SETD1B: variants seen among roughly 807,000 people sequenced by gnomAD.
The protein encoded by SETD1B is histone-lysine N-methyltransferase SETD1B.
A neutral mutation model predicts 148.0 loss-of-function variants in SETD1B; 7 were observed. That is an observed-to-expected ratio of 0.05 (90% CI 0.03 to 0.09). SETD1B has a LOEUF of 0.09. Ranked by LOEUF, SETD1B falls within the 10% of genes least tolerant of loss-of-function variation. The pLI, the probability that SETD1B is intolerant of heterozygous loss-of-function variation, is 1.00. For missense variants in SETD1B, 2,155 were observed against 2,729.9 expected (o/e 0.79, Z 4.69); for synonymous variants, 1,361 against 1,186.5 (o/e 1.15, Z -3.02).
chr12:121,814,085 C>T (rs1212253406), intron 6 of SETD1B, 21 bp from the exon 7 acceptor site: 1 of 1,538,948 alleles, frequency 6.5e-7, no homozygotes, highest in Non-Finnish European at 8.8e-7. Context: ...ACCTCACTGT[C>T]TCTCCCTGCT....
chr12:121,816,662 C>T lies in SETD1B; in HGVS notation c.2716-371C>T, dbSNP rs1198011660. ...AGCAGTGAAATAAAGCCAGTAGGTC[C>T]TGTTTTTAATGCATGGGAAGAGAAG... On this transcript the variant is annotated intron_variant, in intron 7 of 16. Transcript: ENST00000604567. 5.9e-5 allele frequency among the ~76,000 whole-genome samples: 9 copies of T among 152,208 alleles called. No homozygotes were observed. In the East Asian group the frequency reaches 1.3e-3, roughly 23 times the overall value.
At chr12:121,827,417 C>T in intron 13 of SETD1B, 102 bp from the exon 14 acceptor site, 3 of 1,395,762 alleles carry the variant, frequency 2.1e-6, no homozygotes, top group Non-Finnish European at 2.8e-6. Flanking sequence ...AAGCCCAGAG[C>T]AAGGAGCCCA....
At chr12:121,816,986 T>C in intron 7 of SETD1B, 47 bp from the exon 8 acceptor site, 1 of 1,454,940 alleles carries the variant, frequency 6.9e-7, no homozygotes. Context: ...CCTGCAAGGG[T>C]TGGTGGTGCC....
In SETD1B at chr12:121,810,683, T is replaced by C. The variant is rs1457759533; in HGVS notation, c.1738T>C (p.Ser580Pro). The C allele has an allele frequency of 1.2e-5, 19 of 1,550,516 alleles. No individual in the cohort carries two copies. The highest frequency in any genetic ancestry group is 1.6e-5 in the Non-Finnish European group (18 of 1,146,888). Residue 580 changes from serine to proline, a missense_variant, in exon 6 of 17, where the codon TCC becomes CCC. Physicochemically the swap from Ser to Pro is moderately conservative, Grantham distance 74. This residue lies in a region of SETD1B where 295 missense variants were observed against 303.8 expected (regional missense o/e 0.97). Transcript: ENST00000604567. This position sits in a 1 kb window ranked among gnomAD's most constrained non-coding sequence, Gnocchi z 7.6. ...EDISPTPLPD[S>P]DEDEELDLGL... ...TATCAGCCCAACACCCCTCCCAGAC[T>C]CCGACGAGGACGAGGAGCTCGACCT...
At chr12:121,818,140 G>C (rs976149990) in intron 10 of SETD1B, among the ~76,000 whole-genome samples, 1 of 152,300 alleles carries the variant, frequency 6.6e-6, no homozygotes, top group East Asian at 1.9e-4. Context: ...TGGGGAGCCC[G>C]GTGTTCAGGG....
At chr12:121,791,422 T>C in the SETD1B span, among the ~76,000 whole-genome samples, 1 of 152,018 alleles carries the variant, frequency 6.6e-6, no homozygotes. Context: ...GGCCCAGACA[T>C]CCCCAATGAT....
Position 121,817,608 on chromosome 12 carries a change from G to A in SETD1B, c.3216G>A (p.Glu1072=). Residue 1072 remains glutamate (E), a synonymous_variant, in exon 9 of 17, where the codon GAG becomes GAA. Coordinates refer to ENST00000604567, the MANE Select transcript of SETD1B (RefSeq NM_001353345.2). This position sits in a 1 kb window ranked among gnomAD's most constrained non-coding sequence, Gnocchi z 8.1. The part of the protein sequence containing the change: ...SSASDKEEEQ[E]STEEEEEAEE... ...CCTCCGACAAGGAGGAGGAACAGGA[G>A]AGCACCGAGGAGGAAGAGGAGGCGG... 1 of 1,551,570 alleles carries A rather than the reference G, an allele frequency of 6.4e-7. No individual in the cohort carries two copies. Among genetic ancestry groups the A allele is most frequent in the South Asian group, 1.2e-5 (1 of 84,054 alleles).
chr12:121,822,306 C>G (rs1195724211), intron 11 of SETD1B, among the ~76,000 whole-genome samples, 184 bp from the exon 12 acceptor site: 1 of 152,150 alleles, frequency 6.6e-6, no homozygotes, highest in Non-Finnish European at 1.5e-5. Context: ...ATTGATAAAG[C>G]ACATACTGTG....
Position 121,817,571 on chromosome 12 carries a change from C to G in SETD1B, c.3179C>G (p.Pro1060Arg). 1 of 1,551,424 alleles carries G rather than the reference C, an allele frequency of 6.4e-7. No individual in the cohort carries two copies. The highest frequency in any genetic ancestry group is 8.7e-7 in the Non-Finnish European group (1 of 1,146,778). ...TCCTCGGGGTCCTCAACCACCTCACCCTCGTCCTCGGCCTCCGACAAGGAG... is the reference window on the plus strand; with the variant it reads ...TCCTCGGGGTCCTCAACCACCTCACGCTCGTCCTCGGCCTCCGACAAGGAG... ...SSSSGSSTTS[P>R]SSSASDKEEE... Residue 1060 changes from proline to arginine, a missense_variant, in exon 9 of 17, where the codon CCC (proline) becomes CGC (arginine). Transcript: ENST00000604567. This position sits in a 1 kb window ranked among gnomAD's most constrained non-coding sequence, Gnocchi z 8.1.
rs1592980695 is a variant in SETD1B, at chr12:121,814,338, C to T, written c.2123C>T (p.Pro708Leu). The change falls in exon 7 of 17, where the codon CCG (proline) becomes CTG (leucine). Residue 708 changes from proline to leucine, a missense_variant. Transcript: ENST00000604567. ...PPQPGFPMPPPLPPPPPPPPP... is the reference protein window; with the variant it reads ...PPQPGFPMPPLLPPPPPPPPP... ...CAGCCTGGCTTCCCCATGCCCCCAC[C>T]GCTGCCCCCACCGCCGCCCCCACCC... 1.2e-6 allele frequency: 1 copy of T among 831,730 alleles called. No individual in the cohort carries two copies. Among genetic ancestry groups the T allele is most frequent in the Middle Eastern group, 3.6e-4 (1 of 2,770 alleles). The allele number at this position is 831,730 out of a possible 1,614,324, so 51.5% of individuals were successfully genotyped here.
chr12:121,793,313 A>AC, the SETD1B span: 1 of 1,457,296 alleles, frequency 6.9e-7, no homozygotes, highest in South Asian at 1.2e-5. Flanking sequence ...TCCACTGTCC[A>AC]CCCCCCTCAC....
chr12:121,828,286 G>A (rs1318120558), intron 16 of SETD1B, among the ~76,000 whole-genome samples: 1 of 152,274 alleles, frequency 6.6e-6, no homozygotes, highest in Non-Finnish European at 1.5e-5. Context: ...AATGGGCATA[G>A]TGAGACTTCT....
At position 121,819,424 on chromosome 12, in the gene SETD1B, ACCT is replaced by A. The variant is rs747431623; in HGVS notation, c.3442_3444del (p.Ser1148del). 82 of 1,551,672 alleles carry A rather than the reference ACCT, an allele frequency of 5.3e-5. No individual in the cohort carries two copies. In the African/African-American group the frequency reaches 1.0e-3, roughly 19 times the overall value. ...TCCAGAGGAGACAGTGAGCATTGTA[ACCT>A]CCAAGGCCGAAGCCACGTCGTCCAG... is the stretch of plus-strand genomic sequence containing the variant. On this transcript the variant is annotated inframe_deletion, in exon 11 of 17. Transcript: ENST00000604567.
intron 16 of SETD1B, 135 bp from the exon 17 acceptor site, chr12:121,829,931 C>A: frequency 1.4e-6 from 1 of 713,564 alleles, no homozygotes; most frequent in Non-Finnish European, 2.2e-6. Context: ...AGCCAAGGTC[C>A]AGAGCAGAGC....
chr12:121,811,516 G>C (rs1440758265), intron 6 of SETD1B, among the ~76,000 whole-genome samples: 1 of 152,204 alleles, frequency 6.6e-6, no homozygotes, highest in African/African-American at 2.4e-5. Context: ...ATGGGGTCTC[G>C]TTGCCTAAAC....
rs571737223 is a variant in SETD1B at position 121,804,770 on chromosome 12, C to G, written c.33C>G (p.His11Gln). ...ACAGTCACCCCCCCCACCACCACCA[C>G]CAGCAGCCCCCGCCGCAGCCCGGCC... is the stretch of plus-strand genomic sequence containing the variant. MENSHPPHHH[H>Q]QQPPPQPGPS... The change falls in exon 2 of 17, where the codon CAC becomes CAG. Residue 11 changes from histidine to glutamine, a missense_variant. Physicochemically the swap from His to Gln is conservative, Grantham distance 24. Coordinates refer to ENST00000604567, the MANE Select transcript of SETD1B (RefSeq NM_001353345.2). The surrounding 1 kb of genome is among the most constrained non-coding windows in gnomAD (Gnocchi z 4.6). 1.2e-4 allele frequency: 184 copies of G among 1,549,638 alleles called. 2 individuals carry two copies. In the East Asian group the frequency reaches 4.2e-3, roughly 36 times the overall value.
chr12:121,806,184 AGGACCCCCCCTCACTCTTCCTTG>A, intron 4 of SETD1B, 79 bp downstream of exon 4: 2 of 1,465,520 alleles, frequency 1.4e-6, no homozygotes, highest in Admixed American at 4.2e-5. Flanking sequence ...CAGCGTGGGG[AGGACCCCCCCTCACTCTTCCTTG>A]GGATCCCCCC....
chr12:121,793,162 G>A, the SETD1B span: 2 of 1,550,262 alleles, frequency 1.3e-6, no homozygotes, highest in African/African-American at 1.4e-5. Context: ...CGGCCGTGTC[G>A]TAGAGGTTCA....
At chr12:121,820,008 C>CGATGTCCACCTCCTCTT in intron 11 of SETD1B, 113 bp downstream of exon 11, 1 of 920,358 alleles carries the variant, frequency 1.1e-6, no homozygotes, top group Non-Finnish European at 1.6e-6. Context: ...GCCTCAGTTT[C>CGATGTCCACCTCCTCTT]CCGTGTAAAA....
Sources: gnomAD v4.1 joint callset for allele counts (sites outside exome capture counted in the v4.1 genomes callset) on GRCh38, gnomAD v4.1.1 for gene constraint, gnomAD v4.1.1 regional missense constraint, Gnocchi (gnomAD v3.1) non-coding constraint, MANE v1.5 for transcripts, NCBI Gene and HGNC (gene_info 2026-07-23, HGNC 2026-07-21) for gene names.